The following MPPED1 variants were observed in gnomAD, a reference collection of about 807,000 sequenced individuals.
The protein encoded by MPPED1 is metallophosphoesterase domain containing 1.
MPPED1 carries 16 observed loss-of-function variants against 36.2 expected under a neutral mutation model. The observed-to-expected ratio is 0.44, with a 90% confidence interval of 0.30 to 0.67. The LOEUF (loss-of-function observed/expected upper bound fraction) is 0.67. Ranked by LOEUF, MPPED1 falls within the 30% of genes least tolerant of loss-of-function variation. The probability of loss-of-function intolerance (pLI) is 0.10; values close to 1 mark genes in which losing one functional copy is unlikely to be tolerated. For missense variants in MPPED1, 307 were observed against 453.4 expected (o/e 0.68, Z 2.93); for synonymous variants, 199 against 191.3 (o/e 1.04, Z -0.33).
rs1569091692 is a variant in MPPED1 at position 43,500,194 on chromosome 22, A to AGGTGGT, written c.748+1845_748+1850dup. 4.3e-3 allele frequency among the ~76,000 whole-genome samples: 61 copies of AGGTGGT among 14,152 alleles called. 2 individuals are homozygous for AGGTGGT. Among genetic ancestry groups the AGGTGGT allele is most frequent in the Admixed American group, 5.9e-3 (7 of 1,190 alleles). The allele number at this position is 14,152 out of a possible 152,430, so 9.3% of individuals were successfully genotyped here. On this transcript the variant is annotated intron_variant, in intron 5 of 6. Coordinates refer to ENST00000443721, the MANE Select transcript of MPPED1 (RefSeq NM_001044370.2). ...ATGGAGGTGGTGGTGATGGTGATGG[A>AGGTGGT]GGTGGTAATGGAGGTGGTGGGGGTG...
At chr22:43,448,063 T>C (rs1413251992) in intron 3 of MPPED1, among the ~76,000 whole-genome samples, 1 of 151,286 alleles carries the variant, frequency 6.6e-6, no homozygotes, top group African/African-American at 2.4e-5. Flanking sequence ...ATTTTTAATT[T>C]TTGTATTTAG....
At chr22:43,492,685 G>A (rs1190305068) in intron 4 of MPPED1, among the ~76,000 whole-genome samples, 1 of 152,190 alleles carries the variant, frequency 6.6e-6, no homozygotes, top group Non-Finnish European at 1.5e-5. Context: ...CTGTGCAAGG[G>A]GCTCTCCTGG....
At chr22:43,412,275 C>A in intron 1 of MPPED1, 117 bp downstream of exon 1, 1 of 654,166 alleles carries the variant, frequency 1.5e-6, no homozygotes, top group Non-Finnish European at 1.9e-6. Context: ...GGGGCGCCCG[C>A]AAAGTTACTT....
chr22:43,445,726 A>G (rs1374645690), intron 3 of MPPED1, among the ~76,000 whole-genome samples: 1 of 151,314 alleles, frequency 6.6e-6, no homozygotes, highest in African/African-American at 2.4e-5. Flanking sequence ...ATGCACCACC[A>G]TGCCTGGCTA....
intron 1 of MPPED1, chr22:43,416,719 G>T (rs1601941618): frequency 6.6e-6 from 1 of 152,228 alleles, no homozygotes; most frequent in South Asian, 2.1e-4. Context: ...AAACTAGGAC[G>T]TAGCACTTTG....
At chr22:43,412,276 A>C (rs1928929477) in intron 1 of MPPED1, 118 bp downstream of exon 1, 7 of 648,814 alleles carry the variant, frequency 1.1e-5, no homozygotes, top group Admixed American at 6.3e-5. Context: ...GGGCGCCCGC[A>C]AAGTTACTTT....
intron 3 of MPPED1, among the ~76,000 whole-genome samples, chr22:43,445,044 G>A (rs1930289505): frequency 6.6e-6 from 1 of 152,160 alleles, no homozygotes; most frequent in African/African-American, 2.4e-5. Context: ...TGAGCTTCCT[G>A]GGGGCCAAAG....
At chr22:43,488,256 A>G (rs1157746077) in intron 4 of MPPED1, among the ~76,000 whole-genome samples, 1 of 151,616 alleles carries the variant, frequency 6.6e-6, no homozygotes, top group Non-Finnish European at 1.5e-5. Flanking sequence ...GGGCCCCCCA[A>G]GGCCCCAGCA....
At chr22:43,435,319 C>G (rs532298614) in intron 3 of MPPED1, 104 bp downstream of exon 3, 1 of 1,317,222 alleles carries the variant, frequency 7.6e-7, no homozygotes, top group South Asian at 1.4e-5. Flanking sequence ...GCTGCCCGGG[C>G]CCCCTCCTTG....
intron 1 of MPPED1, among the ~76,000 whole-genome samples, chr22:43,415,882 G>A (rs1929062385): frequency 6.6e-6 from 1 of 152,224 alleles, no homozygotes; most frequent in Admixed American, 6.5e-5. Context: ...TGATGCACAC[G>A]AAGAGACTTT....
chr22:43,455,212 C>T (rs1254823897), intron 3 of MPPED1, among the ~76,000 whole-genome samples: 1 of 150,658 alleles, frequency 6.6e-6, no homozygotes, highest in Non-Finnish European at 1.5e-5. Flanking sequence ...GGGATTCAAG[C>T]GATTCTTCCT....
chr22:43,458,405 C>T (rs1368436430), intron 3 of MPPED1, among the ~76,000 whole-genome samples: 1 of 152,046 alleles, frequency 6.6e-6, no homozygotes, highest in East Asian at 1.9e-4. Flanking sequence ...CCTGCCTCAG[C>T]CTCCCAAGTA....
intron 3 of MPPED1, among the ~76,000 whole-genome samples, chr22:43,455,622 G>C (rs567644475): frequency 6.6e-6 from 1 of 152,246 alleles, no homozygotes; most frequent in Non-Finnish European, 1.5e-5. Flanking sequence ...GCTATTTTCT[G>C]TTTCCGACAT....
At chr22:43,469,700 C>CA (rs1260817448) in intron 3 of MPPED1, among the ~76,000 whole-genome samples, 6 of 151,864 alleles carry the variant, frequency 4.0e-5, no homozygotes, top group East Asian at 1.9e-4. Flanking sequence ...GAGGGTGAGT[C>CA]AAAAAAATGC....
chr22:43,497,929 G>GTGCATATATATATATATATATATATA (rs1555904565), intron 4 of MPPED1, among the ~76,000 whole-genome samples: 1 of 48,758 alleles, frequency 2.1e-5, no homozygotes, highest in Non-Finnish European at 5.2e-5. Flanking sequence ...ATATATATAT[G>GTGCATATATATATATATATATATATA]TATATGTATA....
intron 3 of MPPED1, among the ~76,000 whole-genome samples, chr22:43,443,362 G>T (rs1435980629): frequency 6.6e-6 from 1 of 152,172 alleles, no homozygotes; most frequent in Non-Finnish European, 1.5e-5. Flanking sequence ...TCTGGGTGGA[G>T]CCTGACTGTA....
At chr22:43,417,602 C>T (rs973324826) in intron 1 of MPPED1, 1 of 154,684 alleles carries the variant, frequency 6.5e-6, no homozygotes, top group East Asian at 1.9e-4. Flanking sequence ...TCTCCCCAGA[C>T]CCCCACACCT....
intron 3 of MPPED1, among the ~76,000 whole-genome samples, chr22:43,469,161 C>CA (rs758068834): frequency 3.3e-5 from 5 of 152,154 alleles, no homozygotes; most frequent in Non-Finnish European, 7.3e-5. Flanking sequence ...TGTGGCTTCT[C>CA]AGGCAGCTCC....
chr22:43,468,764 A>G (rs1027363222), intron 3 of MPPED1, among the ~76,000 whole-genome samples: 6 of 152,006 alleles, frequency 3.9e-5, no homozygotes. Context: ...GCTCATGGAG[A>G]GCTGACCAGG....
Sources: allele counts gnomAD v4.1 joint callset (sites outside exome capture counted in the v4.1 genomes callset), GRCh38; gene constraint gnomAD v4.1.1; transcripts MANE v1.5; gene names NCBI Gene and HGNC (gene_info 2026-07-23, HGNC 2026-07-21).